VPS54: variants seen among roughly 807,000 people sequenced by gnomAD.
VPS54 encodes VPS54 subunit of GARP complex, also known as vacuolar protein sorting-associated protein 54.
A neutral mutation model predicts 121.5 loss-of-function variants in VPS54; 45 were observed. The observed-to-expected ratio is 0.37, with a 90% CI of 0.29 to 0.47. The LOEUF (loss-of-function observed/expected upper bound fraction) is 0.47, where lower values mean the gene tolerates loss of function less well. Ranked by LOEUF, VPS54 falls within the 20% of genes least tolerant of loss-of-function variation. The pLI is 0.99. For missense variants in VPS54, 1,090 were observed against 1,131.4 expected (o/e 0.96, Z 0.52); for synonymous variants, 371 against 385.8 (o/e 0.96, Z 0.45).
chr2:63,959,268 A>G (rs79659444), intron 7 of VPS54, among the ~76,000 whole-genome samples: 1,670 of 152,332 alleles, frequency 0.011, 39 homozygotes, highest in African/African-American at 0.038. Flanking sequence ...AAACACAAAC[A>G]AAAGAATGGG....
At chr2:63,922,141 C>T (rs1325884145) in intron 12 of VPS54, among the ~76,000 whole-genome samples, 1 of 152,134 alleles carries the variant, frequency 6.6e-6, no homozygotes, top group Non-Finnish European at 1.5e-5. Context: ...TTCAAGGAAC[C>T]TAAACTCAAA....
intron 12 of VPS54, among the ~76,000 whole-genome samples, chr2:63,930,970 C>A (rs548522382): frequency 1.2e-4 from 19 of 152,246 alleles, no homozygotes; most frequent in African/African-American, 4.6e-4. Flanking sequence ...ATGTGAAGGA[C>A]CTCTTCAAGG....
chr2:63,962,101 G>C lies in VPS54; in HGVS notation c.967C>G (p.Gln323Glu). ...VGALDLIATT[Q>E]EVLQQELQGI... ...TGAAGTTCCTGCTGTAGAACCTCTTGTGTTGTTGCTATTAAGTCCAATGCT... is the reference window on the plus strand; with the variant it reads ...TGAAGTTCCTGCTGTAGAACCTCTTCTGTTGTTGCTATTAAGTCCAATGCT... The change falls in exon 7 of 23, where the codon CAA becomes GAA. Residue 323 changes from glutamine to glutamate, a missense_variant. Physicochemically the swap from Gln to Glu is conservative, Grantham distance 29. Around this residue, in one of 2 missense-constraint regions of VPS54, gnomAD observed 801 missense variants for 757.0 expected, o/e 1.06. Transcript: ENST00000272322. 1 of 1,598,820 alleles carries C rather than the reference G, an allele frequency of 6.3e-7. No homozygotes were observed. The highest frequency in any genetic ancestry group is 8.6e-7 in the Non-Finnish European group (1 of 1,167,300).
At chr2:63,926,554 G>T (rs187729165) in intron 12 of VPS54, among the ~76,000 whole-genome samples, 2 of 152,320 alleles carry the variant, frequency 1.3e-5, no homozygotes, top group East Asian at 3.9e-4. Flanking sequence ...CTTGTCTACA[G>T]CTCCCAGCGA....
In VPS54 at chr2:63,962,414, T is replaced by G; in HGVS notation, c.654A>C (p.Val218=). 6.2e-7 allele frequency: 1 copy of G among 1,612,974 alleles called. No individual in the cohort carries two copies. The highest frequency in any genetic ancestry group is 1.7e-5 in the Admixed American group (1 of 59,938). Reference sequence around the variant, plus strand: ...GTAGAGAGATCTGGTGAGCAATGTTTACTTCCACAATATCCAGATAATGGC... The same window carrying G: ...GTAGAGAGATCTGGTGAGCAATGTTGACTTCCACAATATCCAGATAATGGC... ...KLSHYLDIVE[V]NIAHQISLRS... The change falls in exon 7 of 23, where the codon GTA becomes GTC. Residue 218 remains valine (V), a synonymous_variant. Transcript: ENST00000272322.
intron 4 of VPS54, among the ~76,000 whole-genome samples, chr2:63,971,940 A>G (rs1361835943): frequency 6.6e-6 from 1 of 152,214 alleles, no homozygotes; most frequent in East Asian, 1.9e-4. Flanking sequence ...GGAACATACC[A>G]ACCACGAAGA....
chr2:63,920,064 A>G lies in VPS54; in HGVS notation c.2052-69T>C. ...AATACCATCTTCCTTGGTTTAAAAGAAAAGGAAGAAGAGCTGAGTGAGAAC... is the reference window on the plus strand; with the variant it reads ...AATACCATCTTCCTTGGTTTAAAAGGAAAGGAAGAAGAGCTGAGTGAGAAC... On this transcript the variant is annotated intron_variant, in intron 14 of 22. Transcript: ENST00000272322. 4.5e-6 allele frequency: 6 copies of G among 1,340,610 alleles called. No individual in the cohort carries two copies. In the South Asian group the frequency reaches 8.4e-5, roughly 19 times the overall value. 83.0% of individuals were successfully genotyped at this position (1,340,610 alleles called of 1,614,324 possible).
intron 16 of VPS54, 64 bp downstream of exon 16, chr2:63,916,836 G>A: frequency 1.3e-6 from 2 of 1,506,292 alleles, no homozygotes; most frequent in Non-Finnish European, 1.8e-6. Flanking sequence ...CACTTCAAGG[G>A]AGAACTAGAA....
At chr2:63,956,222 A>G (rs1675484670) in intron 7 of VPS54, among the ~76,000 whole-genome samples, 1 of 152,184 alleles carries the variant, frequency 6.6e-6, no homozygotes, top group South Asian at 2.1e-4. Flanking sequence ...ACAATATTTT[A>G]AAATCTAAAT....
At chr2:63,944,511 C>G (rs1390932456) in intron 10 of VPS54, 89 bp downstream of exon 10, 3 of 1,300,900 alleles carry the variant, frequency 2.3e-6, no homozygotes, top group Non-Finnish European at 3.3e-6. Flanking sequence ...GTAAATAATT[C>G]CTTAACGAAA....
chr2:64,001,139 C>G (rs1677855421), intron 1 of VPS54, among the ~76,000 whole-genome samples: 1 of 152,212 alleles, frequency 6.6e-6, no homozygotes. Flanking sequence ...GCAGAGGAGC[C>G]TCACCCTGTG....
chr2:63,895,714 G>T (rs571998739), intron 22 of VPS54, among the ~76,000 whole-genome samples: 2 of 152,206 alleles, frequency 1.3e-5, no homozygotes, highest in Admixed American at 1.3e-4. Context: ...TAAGCAGGTA[G>T]TTTATGTCCT....
At chr2:63,922,037 G>A (rs1275722529) in intron 12 of VPS54, among the ~76,000 whole-genome samples, 2 of 152,212 alleles carry the variant, frequency 1.3e-5, no homozygotes. Context: ...AATTATGAAT[G>A]AGTATAAATA....
At chr2:63,968,003 G>T (rs1396731290) in intron 5 of VPS54, among the ~76,000 whole-genome samples, 1 of 152,194 alleles carries the variant, frequency 6.6e-6, no homozygotes, top group Non-Finnish European at 1.5e-5. Flanking sequence ...AGTAAAGAAT[G>T]TGTAAAGATT....
intron 22 of VPS54, 105 bp downstream of exon 22, chr2:63,897,391 G>T: frequency 1.4e-6 from 1 of 721,742 alleles, no homozygotes; most frequent in Non-Finnish European, 2.2e-6. Context: ...TTACAACGTT[G>T]GTCTTCAGTG....
At chr2:63,901,689 C>T (rs1672685153) in intron 20 of VPS54, among the ~76,000 whole-genome samples, 1 of 152,172 alleles carries the variant, frequency 6.6e-6, no homozygotes, top group Non-Finnish European at 1.5e-5. Flanking sequence ...ACTCTCACCA[C>T]TGGGGTCACG....
At chr2:63,984,943 T>C (rs192973173) in intron 1 of VPS54, among the ~76,000 whole-genome samples, 1 of 152,230 alleles carries the variant, frequency 6.6e-6, no homozygotes, top group African/African-American at 2.4e-5. Flanking sequence ...AGAAAGAATA[T>C]GAGGTTTAAC....
chr2:63,998,668 A>G (rs1439957379), intron 1 of VPS54, among the ~76,000 whole-genome samples: 1 of 152,156 alleles, frequency 6.6e-6, no homozygotes, highest in African/African-American at 2.4e-5. Context: ...ATAAATAGGC[A>G]AAAAGAAAAC....
chr2:63,964,133 T>C (rs912579210), intron 6 of VPS54, among the ~76,000 whole-genome samples: 11 of 152,186 alleles, frequency 7.2e-5, no homozygotes, highest in Non-Finnish European at 1.6e-4. Flanking sequence ...TTGTCCATCA[T>C]AAAAGGAGTT....
Sources: gnomAD v4.1 joint callset for allele counts (sites outside exome capture counted in the v4.1 genomes callset) on GRCh38, gnomAD v4.1.1 for gene constraint, gnomAD v4.1.1 regional missense constraint, MANE v1.5 for transcripts, NCBI Gene and HGNC (gene_info 2026-07-23, HGNC 2026-07-21) for gene names.